Variants in CSRNP3 observed in about 807,000 individuals in gnomAD.
CSRNP3 encodes the protein cysteine/serine-rich nuclear protein 3.
A neutral mutation model predicts 48.0 loss-of-function variants in CSRNP3; 12 were observed. The observed-to-expected ratio is 0.25, with a 90% CI of 0.16 to 0.41. The LOEUF (loss-of-function observed/expected upper bound fraction) is 0.41. Among genes scored for constraint, CSRNP3 ranks in the 10% least tolerant of loss-of-function variants. The probability of loss-of-function intolerance (pLI) is 1.00; values close to 1 mark genes in which losing one functional copy is unlikely to be tolerated. For missense variants in CSRNP3, 580 were observed against 724.4 expected, an observed-to-expected ratio of 0.80 and a Z score of 2.29; for synonymous variants, 263 against 269.7, an observed-to-expected ratio of 0.98 and a Z score of 0.24.
chr2:165,645,877 T>G (rs570092692), intron 4 of CSRNP3, among the ~76,000 whole-genome samples: 3 of 152,034 alleles, frequency 2.0e-5, no homozygotes, highest in Non-Finnish European at 1.5e-5. Context: ...TTGTAGGTTT[T>G]TTTTGTTTTG....
rs557428325 is a variant in CSRNP3, at chr2:165,540,441, T to C, written c.-24+22480T>C. On this transcript the variant is annotated intron_variant, in intron 3 of 6. Coordinates refer to ENST00000651982, the MANE Select transcript of CSRNP3 (RefSeq NM_001172173.2). ...ACTTGCAAGTCTTTATTTTTACCTT[T>C]AAAATTATCTTAATTCTATGAGAAA... Among the ~76,000 whole-genome samples, 3 of 152,216 alleles carry C rather than the reference T, an allele frequency of 2.0e-5. No individual in the cohort carries two copies. The East Asian group carries it at 5.8e-4, about 29-fold the overall frequency.
intron 4 of CSRNP3, among the ~76,000 whole-genome samples, chr2:165,653,076 G>A (rs1047986082): frequency 8.5e-5 from 13 of 152,090 alleles, no homozygotes; most frequent in African/African-American, 2.9e-4. Context: ...AGGCTCAAAG[G>A]GCAGAGACTC....
intron 3 of CSRNP3, among the ~76,000 whole-genome samples, chr2:165,521,722 A>AT (rs1684664677): frequency 6.6e-6 from 1 of 152,160 alleles, no homozygotes; most frequent in African/African-American, 2.4e-5. Flanking sequence ...TTGGATCCAG[A>AT]TAATTCTTTA....
intron 3 of CSRNP3, among the ~76,000 whole-genome samples, chr2:165,565,946 C>T (rs1190492910): frequency 6.6e-6 from 1 of 151,976 alleles, no homozygotes; most frequent in African/African-American, 2.4e-5. Flanking sequence ...TCTTTCTTAA[C>T]CTTTAATCGG....
intron 3 of CSRNP3, among the ~76,000 whole-genome samples, chr2:165,550,574 C>T (rs1685083682): frequency 6.6e-6 from 1 of 152,122 alleles, no homozygotes; most frequent in South Asian, 2.1e-4. Context: ...CTGTTGACAA[C>T]AGAGCAAACC....
chr2:165,614,684 A>G (rs1208234001), intron 4 of CSRNP3, among the ~76,000 whole-genome samples: 1 of 152,208 alleles, frequency 6.6e-6, no homozygotes, highest in Non-Finnish European at 1.5e-5. Context: ...TATTAAGATA[A>G]TAACGTGGTT....
chr2:165,495,839 G>GT (rs1007880645), intron 2 of CSRNP3, among the ~76,000 whole-genome samples: 3 of 151,788 alleles, frequency 2.0e-5, no homozygotes, highest in Non-Finnish European at 2.9e-5. Flanking sequence ...TTTCACAATA[G>GT]TTTTTTTCTA....
At chr2:165,616,390 A>G (rs960781610) in intron 4 of CSRNP3, among the ~76,000 whole-genome samples, 7 of 151,948 alleles carry the variant, frequency 4.6e-5, no homozygotes, top group Non-Finnish European at 8.8e-5. Flanking sequence ...TATTTTTATG[A>G]TGGTAGATAT....
chr2:165,605,995 G>A (rs968219699), intron 4 of CSRNP3, among the ~76,000 whole-genome samples: 7 of 151,996 alleles, frequency 4.6e-5, no homozygotes, highest in African/African-American at 1.7e-4. Context: ...CATTGCAAAT[G>A]AGTTGAGAAG....
chr2:165,608,980 G>A lies in CSRNP3; in HGVS notation c.148+13767G>A, dbSNP rs370051263. Among the ~76,000 whole-genome samples, 54 of 147,810 alleles carry A rather than the reference G, an allele frequency of 3.7e-4. No individual in the cohort carries two copies. In the South Asian group the frequency reaches 0.011, roughly 31 times the overall value. ...AAATTAGCTGGGCATGGTGGCGGGC[G>A]CCTGTAGTCCCAGCTACTTAGGAGG... On this transcript the variant is annotated intron_variant, in intron 4 of 6. Transcript: ENST00000651982.
chr2:165,584,083 A>C (rs1392714732), intron 3 of CSRNP3, among the ~76,000 whole-genome samples: 1 of 152,212 alleles, frequency 6.6e-6, no homozygotes, highest in Non-Finnish European at 1.5e-5. Context: ...TTTGTGATAA[A>C]GGATTAATTT....
chr2:165,508,863 T>A (rs1684463190), intron 2 of CSRNP3, among the ~76,000 whole-genome samples: 1 of 152,200 alleles, frequency 6.6e-6, no homozygotes, highest in Non-Finnish European at 1.5e-5. Flanking sequence ...CTATGGGTGC[T>A]CATTTGTTTC....
chr2:165,606,701 T>C (rs778060898), intron 4 of CSRNP3, among the ~76,000 whole-genome samples: 4 of 152,152 alleles, frequency 2.6e-5, no homozygotes, highest in Non-Finnish European at 5.9e-5. Flanking sequence ...AGTTGGTTCA[T>C]ATTATGATAA....
rs1407807163 is a variant in CSRNP3, at chr2:165,475,114, T to G, written c.-283+5374T>G. Among the ~76,000 whole-genome samples, 4 of 152,164 alleles carry G rather than the reference T, an allele frequency of 2.6e-5. No individual in the cohort carries two copies. In the South Asian group the frequency reaches 8.3e-4, roughly 32 times the overall value. ...AAAATCAATATTTGTCATCAGTCAT[T>G]ACCAGGTAATACTGGTTGTGATGGT... On this transcript the variant is annotated intron_variant, in intron 1 of 6. Transcript: ENST00000651982.
At chr2:165,529,495 A>G (rs1684784476) in intron 3 of CSRNP3, among the ~76,000 whole-genome samples, 1 of 152,114 alleles carries the variant, frequency 6.6e-6, no homozygotes, top group African/African-American at 2.4e-5. Flanking sequence ...GGCCTCTCCA[A>G]CCACGTGGAA....
intron 4 of CSRNP3, among the ~76,000 whole-genome samples, chr2:165,601,722 C>T (rs1394247690): frequency 6.6e-6 from 1 of 151,914 alleles, no homozygotes; most frequent in Non-Finnish European, 1.5e-5. Flanking sequence ...ATACACAAGG[C>T]ATAAATATGC....
intron 3 of CSRNP3, among the ~76,000 whole-genome samples, chr2:165,529,747 T>C (rs1684787544): frequency 6.6e-6 from 1 of 152,194 alleles, no homozygotes; most frequent in Admixed American, 6.5e-5. Context: ...AAATATGCCT[T>C]ATTTATTCAG....
At chr2:165,667,929 A>G (rs1687261968) in intron 5 of CSRNP3, among the ~76,000 whole-genome samples, 1 of 152,210 alleles carries the variant, frequency 6.6e-6, no homozygotes, top group Admixed American at 6.5e-5. Flanking sequence ...TACCTAGTAC[A>G]GTGCTTGGCA....
intron 1 of CSRNP3, among the ~76,000 whole-genome samples, chr2:165,474,224 A>G (rs949939761): frequency 6.6e-6 from 1 of 151,776 alleles, no homozygotes; most frequent in Non-Finnish European, 1.5e-5. Flanking sequence ...ATATTGTTTT[A>G]TTTTATTTTA....
Sources: gnomAD v4.1 joint callset for allele counts (sites outside exome capture counted in the v4.1 genomes callset) on GRCh38, gnomAD v4.1.1 for gene constraint, MANE v1.5 for transcripts, NCBI Gene and HGNC (gene_info 2026-07-23, HGNC 2026-07-21) for gene names.